The following SLC44A5 variants were observed in gnomAD, a reference collection of about 807,000 sequenced individuals.
The protein encoded by SLC44A5 is solute carrier family 44 member 5.
Under a neutral mutation model 101.8 loss-of-function variants are expected in SLC44A5, and 57 were observed. The observed-to-expected ratio is 0.56, with a 90% CI of 0.45 to 0.70. The LOEUF is 0.70. SLC44A5 is among the 30% of genes least tolerant of loss of function. The probability of loss-of-function intolerance (pLI) is 0.00; values close to 1 mark genes in which losing one functional copy is unlikely to be tolerated. For missense variants in SLC44A5, 737 were observed against 853.1 expected (o/e 0.86, Z 1.70); for synonymous variants, 281 against 290.9 (o/e 0.97, Z 0.35).
At chr1:75,204,239 G>T (rs1395089842) in intron 23 of SLC44A5, among the ~76,000 whole-genome samples, 7 of 152,024 alleles carry the variant, frequency 4.6e-5, no homozygotes, top group Admixed American at 2.0e-4. Flanking sequence ...TGAAATTTCA[G>T]ATTTCAAACA....
chr1:75,298,176 T>G lies in SLC44A5; in HGVS notation c.175+2436A>C, dbSNP rs12401755. Among the ~76,000 whole-genome samples the G allele has an allele frequency of 2.7e-3, 417 of 152,302 alleles. 8 individuals are homozygous for G. The highest frequency in any genetic ancestry group is 0.023 in the Admixed American group (356 of 15,302). On this transcript the variant is annotated intron_variant, in intron 5 of 23. Transcript: ENST00000370859. ...GGTAAAAAATCCTTAACACTTCTAGTAACCTCTGCCATAGTTTCCCCTCAT... is the reference window on the plus strand; with the variant it reads ...GGTAAAAAATCCTTAACACTTCTAGGAACCTCTGCCATAGTTTCCCCTCAT...
intron 12 of SLC44A5, among the ~76,000 whole-genome samples, chr1:75,232,445 A>C (rs1647663175): frequency 6.6e-6 from 1 of 151,894 alleles, no homozygotes; most frequent in Non-Finnish European, 1.5e-5. Context: ...TGTTTAAACA[A>C]CTTTTTTTTT....
At chr1:75,607,575 A>C (rs1675396972) in intron 1 of SLC44A5, among the ~76,000 whole-genome samples, 1 of 151,996 alleles carries the variant, frequency 6.6e-6, no homozygotes, top group Non-Finnish European at 1.5e-5. Context: ...CTGTGTCCCC[A>C]CCCAAATCTC....
At chr1:75,547,900 T>A (rs1476973083) in intron 1 of SLC44A5, among the ~76,000 whole-genome samples, 1 of 152,182 alleles carries the variant, frequency 6.6e-6, no homozygotes, top group African/African-American at 2.4e-5. Flanking sequence ...CCATTTTTCT[T>A]CAGTTAATAG....
chr1:75,607,728 T>C (rs1675407569), intron 1 of SLC44A5, among the ~76,000 whole-genome samples: 1 of 151,880 alleles, frequency 6.6e-6, no homozygotes, highest in Admixed American at 6.6e-5. Context: ...AAAGGGGAGT[T>C]CCCCTGTACA....
At chr1:75,494,078 A>G (rs1286735018) in intron 2 of SLC44A5, among the ~76,000 whole-genome samples, 1 of 152,136 alleles carries the variant, frequency 6.6e-6, no homozygotes, top group East Asian at 1.9e-4. Flanking sequence ...GGAACCTTTG[A>G]GAGGTGATTA....
the SLC44A5 span, among the ~76,000 whole-genome samples, chr1:75,678,417 G>C: frequency 6.6e-6 from 1 of 152,292 alleles, no homozygotes; most frequent in South Asian, 2.1e-4. Flanking sequence ...GGAGATCTGA[G>C]AACGGGCAGA....
At chr1:75,399,875 T>C (rs1208578075) in intron 2 of SLC44A5, among the ~76,000 whole-genome samples, 1 of 152,218 alleles carries the variant, frequency 6.6e-6, no homozygotes, top group Non-Finnish European at 1.5e-5. Flanking sequence ...AAAAAATACC[T>C]GCACTCATAT....
chr1:75,368,055 T>G (rs17096801), intron 3 of SLC44A5, among the ~76,000 whole-genome samples: 2,025 of 152,358 alleles, frequency 0.013, 53 homozygotes, highest in African/African-American at 0.046. Context: ...AAATAGCTAA[T>G]GATTTTTTGT....
chr1:75,287,426 C>CTTTTTTT (rs371647505), intron 5 of SLC44A5, among the ~76,000 whole-genome samples: 18 of 69,894 alleles, frequency 2.6e-4, no homozygotes, highest in African/African-American at 3.0e-4. Context: ...CTTCTGAATT[C>CTTTTTTT]TTTTTTTTTT....
intron 1 of SLC44A5, among the ~76,000 whole-genome samples, chr1:75,557,466 T>A (rs1013875120): frequency 1.3e-5 from 2 of 152,116 alleles, no homozygotes; most frequent in Non-Finnish European, 1.5e-5. Flanking sequence ...TTCCATCTAA[T>A]AGCTCTGTCT....
intron 5 of SLC44A5, among the ~76,000 whole-genome samples, chr1:75,279,356 A>C (rs1461070651): frequency 1.3e-5 from 2 of 152,070 alleles, no homozygotes; most frequent in Non-Finnish European, 2.9e-5. Context: ...GGGAAAGTCA[A>C]GCAGAAAGTG....
Position 75,263,897 on chromosome 1 carries a change from G to A in SLC44A5, c.260+11061C>T, listed in dbSNP as rs144815762. Among the ~76,000 whole-genome samples the A allele has an allele frequency of 1.3e-4, 20 of 152,192 alleles. No individual in the cohort carries two copies. The East Asian group carries it at 3.9e-3, about 30-fold the overall frequency. On this transcript the variant is annotated intron_variant, in intron 6 of 23. Transcript: ENST00000370859. ...AAACAAGAACAGAAAACCAAACATA[G>A]CATGTTCTCACTCATAAGTGGGAGT... is the stretch of plus-strand genomic sequence containing the variant.
intron 1 of SLC44A5, among the ~76,000 whole-genome samples, chr1:75,575,478 C>G (rs568218895): frequency 2.2e-4 from 34 of 152,200 alleles, no homozygotes; most frequent in Middle Eastern, 3.4e-3. Context: ...GGTATGTCAG[C>G]CATTCACTTA....
chr1:75,492,590 A>G (rs1570440818), intron 2 of SLC44A5, among the ~76,000 whole-genome samples: 1 of 152,234 alleles, frequency 6.6e-6, no homozygotes, highest in Non-Finnish European at 1.5e-5. Context: ...AATAAATTCT[A>G]TAAAATACAA....
chr1:75,470,274 TA>T (rs988731356), intron 2 of SLC44A5, among the ~76,000 whole-genome samples: 1 of 152,080 alleles, frequency 6.6e-6, no homozygotes, highest in South Asian at 2.1e-4. Context: ...AAAACAGCAG[TA>T]AAAAACATAC....
At chr1:75,306,752 T>TTTTTTTTTTA (rs397980538) in intron 4 of SLC44A5, among the ~76,000 whole-genome samples, 1 of 146,128 alleles carries the variant, frequency 6.8e-6, no homozygotes, top group Admixed American at 6.9e-5. Flanking sequence ...TTTTTTTTTT[T>TTTTTTTTTTA]GAGACGGAGT....
At chr1:75,364,445 C>T (rs1338254069) in intron 3 of SLC44A5, among the ~76,000 whole-genome samples, 1 of 152,122 alleles carries the variant, frequency 6.6e-6, no homozygotes, top group Non-Finnish European at 1.5e-5. Context: ...AAATCACTCA[C>T]TATCATGAGG....
chr1:75,295,569 C>T (rs867799759), intron 5 of SLC44A5, among the ~76,000 whole-genome samples: 4 of 152,094 alleles, frequency 2.6e-5, no homozygotes, highest in Non-Finnish European at 4.4e-5. Flanking sequence ...AAAAGCAGGG[C>T]CTAAGAGTAA....
Sources: allele counts gnomAD v4.1 joint callset (sites outside exome capture counted in the v4.1 genomes callset), GRCh38; gene constraint gnomAD v4.1.1; transcripts MANE v1.5; gene names NCBI Gene and HGNC (gene_info 2026-07-23, HGNC 2026-07-21).